GFPT2: variants seen among roughly 807,000 people sequenced by gnomAD.
The protein encoded by GFPT2 is glutamine--fructose-6-phosphate transaminase 2.
A neutral mutation model predicts 85.6 loss-of-function variants in GFPT2; 62 were observed. That is an observed-to-expected ratio of 0.72 (90% confidence interval 0.59 to 0.90). The LOEUF is 0.90. Ranked by LOEUF, GFPT2 falls within the 40% of genes least tolerant of loss-of-function variation. The pLI is 0.00. For synonymous variants in GFPT2, 368 were observed against 344.5 expected, an observed-to-expected ratio of 1.07 and a Z score of -0.75; for missense variants, 788 against 893.4, an observed-to-expected ratio of 0.88 and a Z score of 1.50.
chr5:180,329,269 C>A (rs1561879736), intron 6 of GFPT2, among the ~76,000 whole-genome samples: 2 of 152,164 alleles, frequency 1.3e-5, no homozygotes, highest in Non-Finnish European at 2.9e-5. Context: ...ACCTGAGTCA[C>A]CGTCCCCAGG....
chr5:180,353,146 G>A (rs1764750562), intron 1 of GFPT2, 65 bp downstream of exon 1: 11 of 1,213,222 alleles, frequency 9.1e-6, no homozygotes, highest in Non-Finnish European at 1.1e-5. Context: ...GAGGCGCGGA[G>A]AGGCTGCGGC....
At chr5:180,306,583 G>C (rs1172964852) in intron 16 of GFPT2, among the ~76,000 whole-genome samples, 1 of 152,176 alleles carries the variant, frequency 6.6e-6, no homozygotes, top group Non-Finnish European at 1.5e-5. Context: ...AATGCTGCAG[G>C]GGGCAAATGG....
chr5:180,315,954 C>G (rs955352895), intron 13 of GFPT2, among the ~76,000 whole-genome samples: 1 of 152,214 alleles, frequency 6.6e-6, no homozygotes, highest in African/African-American at 2.4e-5. Flanking sequence ...GGGTCCTCCA[C>G]GTGACTCTCA....
chr5:180,353,308 G>C lies in GFPT2; in HGVS notation c.-91C>G, dbSNP rs1417516950. ...CCGTGGGCTCCTCCGTGGGCTCCGT[G>C]GGCTCCGTGGGCTCCGCGGGCTCCA... On this transcript the variant is annotated 5_prime_UTR_variant, in exon 1 of 19. Transcript: ENST00000253778. 3.1e-6 allele frequency: 3 copies of C among 980,496 alleles called. No individual in the cohort carries two copies. Among genetic ancestry groups the C allele is most frequent in the African/African-American group, 1.7e-5 (1 of 59,014 alleles). The allele number at this position is 980,496 out of a possible 1,614,324, so 60.7% of individuals were successfully genotyped here.
At chr5:180,335,802 TG>T in intron 4 of GFPT2, 25 bp downstream of exon 4, 1 of 1,598,050 alleles carries the variant, frequency 6.3e-7, no homozygotes, top group East Asian at 2.3e-5. Context: ...GGTGGAACCA[TG>T]GGGACGGGGA....
intron 12 of GFPT2, 132 bp from the exon 13 acceptor site, chr5:180,316,593 C>A: frequency 9.8e-7 from 1 of 1,019,562 alleles, no homozygotes; most frequent in Non-Finnish European, 1.5e-6. Context: ...CTTCGGTCAC[C>A]CACAGGCCAC....
chr5:180,344,836 C>A lies in GFPT2; in HGVS notation c.8-6236G>T, dbSNP rs1764577322. ...GACTTGGCTGGTCCCCTGTTCCACTCCCCTGGAAGAGCAACGGCCATAAGA... is the reference window on the plus strand; with the variant it reads ...GACTTGGCTGGTCCCCTGTTCCACTACCCTGGAAGAGCAACGGCCATAAGA... On this transcript the variant is annotated intron_variant, in intron 1 of 18. Transcript: ENST00000253778. Among the ~76,000 whole-genome samples the A allele has an allele frequency of 3.9e-5, 6 of 152,206 alleles. No homozygotes were observed. The South Asian group carries it at 1.2e-3, about 31-fold the overall frequency.
rs562981953 is a variant in GFPT2, at chr5:180,306,372, G to A, written c.1674+804C>T. On this transcript the variant is annotated intron_variant, in intron 16 of 18. Transcript: ENST00000253778. ...CCACGGTTAATGCCCTCGTCTTGGT[G>A]GCCAGTGCAGCCTCAGCTGGAGCAC... 2.6e-5 allele frequency among the ~76,000 whole-genome samples: 4 copies of A among 152,328 alleles called. No individual in the cohort carries two copies. The South Asian group carries it at 8.3e-4, about 32-fold the overall frequency.
chr5:180,316,742 C>A, intron 12 of GFPT2, 22 bp downstream of exon 12: 1 of 1,543,406 alleles, frequency 6.5e-7, no homozygotes, highest in South Asian at 1.1e-5. Context: ...TCGACTTCCC[C>A]ACGCACATGT....
intron 15 of GFPT2, among the ~76,000 whole-genome samples, chr5:180,308,219 G>A (rs1255057230): frequency 1.3e-5 from 2 of 151,180 alleles, no homozygotes; most frequent in Admixed American, 6.6e-5. Flanking sequence ...TGGCACCACG[G>A]CACTCCAGCC....
At chr5:180,352,416 G>A (rs987442913) in intron 1 of GFPT2, 4 of 455,186 alleles carry the variant, frequency 8.8e-6, no homozygotes, top group Non-Finnish European at 1.3e-5. Flanking sequence ...GGCCAGCGGA[G>A]GCGGCCCAGC....
chr5:180,352,959 C>T (rs982639945), intron 1 of GFPT2: 9 of 415,290 alleles, frequency 2.2e-5, no homozygotes, highest in Admixed American at 4.6e-5. Flanking sequence ...GGCCTCGGTC[C>T]CCCTCACTGT....
At position 180,323,482 on chromosome 5, in the gene GFPT2, T is replaced by A. The variant is rs2127652057; in HGVS notation, c.794+706A>T. 6.6e-6 allele frequency among the ~76,000 whole-genome samples: 1 copy of A among 152,270 alleles called. No homozygotes were observed. ...TCTTTGAAGAAGGTACCAGAGGTGATTACAGCAGTTTTCTACTTCAAATGG... is the reference window on the plus strand; with the variant it reads ...TCTTTGAAGAAGGTACCAGAGGTGAATACAGCAGTTTTCTACTTCAAATGG... On this transcript the variant is annotated intron_variant, in intron 9 of 18. Transcript: ENST00000253778. The surrounding 1 kb of genome is among the most constrained non-coding windows in gnomAD (Gnocchi z 4.0).
At chr5:180,319,065 G>A in intron 9 of GFPT2, 109 bp from the exon 10 acceptor site, 3 of 907,152 alleles carry the variant, frequency 3.3e-6, no homozygotes, top group Non-Finnish European at 5.1e-6. Context: ...CATTTTAGGA[G>A]GGACAGAGAG....
intron 2 of GFPT2, 92 bp downstream of exon 2, chr5:180,338,401 C>T: frequency 3.8e-6 from 2 of 520,848 alleles, no homozygotes; most frequent in South Asian, 2.9e-5. Context: ...AGAAAAAATG[C>T]CCTGGTTGTA....
chr5:180,341,526 T>C (rs1289183243), intron 1 of GFPT2, among the ~76,000 whole-genome samples: 1 of 152,258 alleles, frequency 6.6e-6, no homozygotes, highest in Non-Finnish European at 1.5e-5. Context: ...AATTAAATAG[T>C]ACTATAAATT....
At chr5:180,307,090 C>T (rs928139348) in intron 16 of GFPT2, 86 bp downstream of exon 16, 3 of 1,177,636 alleles carry the variant, frequency 2.5e-6, no homozygotes, top group Non-Finnish European at 3.6e-6. Flanking sequence ...TCCCCAAGCC[C>T]AACGCCCTGC....
In GFPT2 at chr5:180,324,178, G is replaced by C; in HGVS notation, c.794+10C>G. 3 of 1,444,662 alleles carry C rather than the reference G, an allele frequency of 2.1e-6. No homozygotes were observed. The highest frequency in any genetic ancestry group is 2.9e-6 in the Non-Finnish European group (3 of 1,028,308). 89.5% of individuals were successfully genotyped at this position (1,444,662 alleles called of 1,614,324 possible). A position where few individuals can be genotyped will look rare whatever the true frequency, so the allele number is the denominator to read the frequency against. On this transcript the variant is annotated intron_variant, in intron 9 of 18. Coordinates refer to ENST00000253778, the MANE Select transcript of GFPT2 (RefSeq NM_005110.4). ...AATCCCAGGAAGCGAAGAGAAGAAG[G>C]CTCAGTTACCTTGCATCAGAAGCAA...
intron 1 of GFPT2, among the ~76,000 whole-genome samples, chr5:180,345,756 A>G (rs1352629289): frequency 6.6e-6 from 1 of 152,144 alleles, no homozygotes; most frequent in Admixed American, 6.5e-5. Context: ...GAATGAACAG[A>G]TGGAGGAATG....
Sources: allele counts gnomAD v4.1 joint callset (sites outside exome capture counted in the v4.1 genomes callset), GRCh38; gene constraint gnomAD v4.1.1; non-coding constraint Gnocchi (gnomAD v3.1); transcripts MANE v1.5; gene names NCBI Gene and HGNC (gene_info 2026-07-23, HGNC 2026-07-21).